GALNT3: variants seen among roughly 807,000 people sequenced by gnomAD.
GALNT3 encodes the protein polypeptide N-acetylgalactosaminyltransferase 3.
A neutral mutation model predicts 69.8 loss-of-function variants in GALNT3; 51 were observed. That is an observed-to-expected ratio of 0.73 (90% CI 0.58 to 0.92). The LOEUF is 0.92. Among genes scored for constraint, GALNT3 ranks in the 40% least tolerant of loss-of-function variants. GALNT3 has a pLI of 0.00. For missense variants in GALNT3, 711 were observed against 760.0 expected, an observed-to-expected ratio of 0.94 and a Z score of 0.76; for synonymous variants, 265 against 248.5, an observed-to-expected ratio of 1.07 and a Z score of -0.63.
At chr2:165,763,765 C>T (rs913259012) in intron 3 of GALNT3, among the ~76,000 whole-genome samples, 1 of 152,126 alleles carries the variant, frequency 6.6e-6, no homozygotes, top group Non-Finnish European at 1.5e-5. Flanking sequence ...TATATCTGCA[C>T]CCTAAATTTA....
chr2:165,773,110 G>A (rs143381159), intron 1 of GALNT3, among the ~76,000 whole-genome samples: 21 of 152,236 alleles, frequency 1.4e-4, no homozygotes, highest in Non-Finnish European at 2.6e-4. Context: ...GGGAAGAATG[G>A]GAGATGAATG....
intron 1 of GALNT3, among the ~76,000 whole-genome samples, chr2:165,772,106 A>T (rs1688763386): frequency 6.6e-6 from 1 of 152,208 alleles, no homozygotes; most frequent in Non-Finnish European, 1.5e-5. Context: ...TAAGCTTTTG[A>T]AAAGAATATA....
At chr2:165,762,990 G>A (rs1314986015) in intron 3 of GALNT3, among the ~76,000 whole-genome samples, 5 of 149,972 alleles carry the variant, frequency 3.3e-5, no homozygotes, top group South Asian at 2.1e-4. Context: ...TTTTAGAGAC[G>A]GGGTTTCATC....
chr2:165,779,117 G>T (rs1054330874), intron 1 of GALNT3, among the ~76,000 whole-genome samples: 1 of 152,160 alleles, frequency 6.6e-6, no homozygotes, highest in African/African-American at 2.4e-5. Flanking sequence ...CCTAGTACTG[G>T]AGAAAATCAT....
At chr2:165,772,553 C>G (rs1279505198) in intron 1 of GALNT3, among the ~76,000 whole-genome samples, 1 of 133,372 alleles carries the variant, frequency 7.5e-6, no homozygotes, top group East Asian at 2.2e-4. Flanking sequence ...CCACTGCACT[C>G]CAGCCTGGGT....
chr2:165,792,360 A>G (rs1411329446), intron 1 of GALNT3, among the ~76,000 whole-genome samples: 1 of 152,240 alleles, frequency 6.6e-6, no homozygotes, highest in Non-Finnish European at 1.5e-5. Context: ...ATGAAGACTA[A>G]TATTCAAAAT....
chr2:165,763,400 A>G (rs904406967), intron 3 of GALNT3, among the ~76,000 whole-genome samples: 1 of 152,160 alleles, frequency 6.6e-6, no homozygotes, highest in African/African-American at 2.4e-5. Flanking sequence ...ATAAGAGAGG[A>G]AAGTGCAGGA....
chr2:165,757,103 C>T lies in GALNT3; in HGVS notation c.1336G>A (p.Glu446Lys). Residue 446 changes from glutamate to lysine, a missense_variant, in exon 7 of 11, where the codon GAA becomes AAA. Coordinates refer to ENST00000392701, the MANE Select transcript of GALNT3 (RefSeq NM_004482.4). ...CTCCTATAAAATATTTCCTTGTATT[C>T]ATCCATCCAGACTTCTGCAAGGCGA... ...QVRLAEVWMD[E>K]YKEIFYRRNT... The T allele has an allele frequency of 6.2e-7, 1 of 1,614,036 alleles. No individual in the cohort carries two copies. The highest frequency in any genetic ancestry group is 8.5e-7 in the Non-Finnish European group (1 of 1,179,950).
Position 165,770,494 on chromosome 2 carries a change from A to G in GALNT3, c.207T>C (p.Ala69=). Residue 69 remains alanine (A), a synonymous_variant, in exon 2 of 11, where the codon GCT becomes GCC. Coordinates refer to ENST00000392701, the MANE Select transcript of GALNT3 (RefSeq NM_004482.4). The part of the protein sequence containing the change: ...KNKMLDLMLE[A]VNNIKDAMPK... ...GCATGGCATCCTTAATATTGTTTAC[A>G]GCTTCTAGCATTAAATCCAACATCT... 1 of 1,614,220 alleles carries G rather than the reference A, an allele frequency of 6.2e-7. No homozygotes were observed. The highest frequency in any genetic ancestry group is 1.7e-5 in the Admixed American group (1 of 60,016).
chr2:165,788,618 A>T (rs1202268435), intron 1 of GALNT3, among the ~76,000 whole-genome samples: 2 of 151,942 alleles, frequency 1.3e-5, no homozygotes, highest in Non-Finnish European at 2.9e-5. Flanking sequence ...GGGTGAGGGG[A>T]CACAGTTTCC....
intron 2 of GALNT3, among the ~76,000 whole-genome samples, chr2:165,769,438 AAT>A (rs1437992995): frequency 6.0e-5 from 7 of 116,900 alleles, no homozygotes; most frequent in African/African-American, 1.3e-4. Context: ...TAATAATAAT[AAT>A]AAATAAATAA....
At chr2:165,773,245 A>G (rs959641599) in intron 1 of GALNT3, among the ~76,000 whole-genome samples, 1 of 152,172 alleles carries the variant, frequency 6.6e-6, no homozygotes, top group Non-Finnish European at 1.5e-5. Context: ...ACTATTTTTC[A>G]TGGTCATGGA....
At chr2:165,759,120 G>C (rs765155590) in intron 5 of GALNT3, among the ~76,000 whole-genome samples, 4 of 152,120 alleles carry the variant, frequency 2.6e-5, no homozygotes, top group African/African-American at 7.2e-5. Context: ...AATGATTGAT[G>C]AGGAAGACAT....
intron 9 of GALNT3, 115 bp from the exon 10 acceptor site, chr2:165,750,009 A>T: frequency 1.1e-6 from 1 of 939,164 alleles, no homozygotes; most frequent in Non-Finnish European, 1.7e-6. Context: ...TCAACAAAAT[A>T]ATACAATAAA....
Position 165,774,411 on chromosome 2 carries a change from G to A in GALNT3, c.-108-3603C>T, listed in dbSNP as rs141710725. Among the ~76,000 whole-genome samples the A allele has an allele frequency of 1.8e-4, 28 of 152,314 alleles. No individual in the cohort carries two copies. In the East Asian group the frequency reaches 4.4e-3, roughly 24 times the overall value. On this transcript the variant is annotated intron_variant, in intron 1 of 10. Coordinates refer to ENST00000392701, the MANE Select transcript of GALNT3 (RefSeq NM_004482.4). ...ACTAGATTCTTCTACAGTAGTGATA[G>A]TTTTCCCAAAACATTTTATGTCAGA...
rs140333197 is a variant in GALNT3, at chr2:165,748,461, C to CTA, written c.*318_*319dup. On this transcript the variant is annotated 3_prime_UTR_variant, in exon 11 of 11. Transcript: ENST00000392701. The stretch of plus-strand genomic sequence containing the variant: ...TTAAATTGTGAGTGTGTGAATGTAG[C>CTA]TATATATATATATCCCTAAGTGTAC... The CTA allele has an allele frequency of 4.5e-4, 155 of 343,188 alleles. No homozygotes were observed. Among genetic ancestry groups the CTA allele is most frequent in the Middle Eastern group, 2.6e-3 (3 of 1,158 alleles). The allele number at this position is 343,188 out of a possible 1,614,324, so 21.3% of individuals were successfully genotyped here.
intron 9 of GALNT3, among the ~76,000 whole-genome samples, chr2:165,750,989 A>C (rs372601899): frequency 8.5e-5 from 13 of 152,094 alleles, no homozygotes; most frequent in African/African-American, 2.4e-4. Context: ...ACAAAATTAC[A>C]ATCTTTTCAA....
intron 1 of GALNT3, among the ~76,000 whole-genome samples, chr2:165,772,157 T>A (rs1257642680): frequency 6.6e-6 from 1 of 152,136 alleles, no homozygotes; most frequent in Non-Finnish European, 1.5e-5. Flanking sequence ...TGTAATTAAT[T>A]ATGTGTCAAA....
chr2:165,791,983 C>T (rs1267900421), intron 1 of GALNT3, among the ~76,000 whole-genome samples: 1 of 152,164 alleles, frequency 6.6e-6, no homozygotes, highest in Non-Finnish European at 1.5e-5. Context: ...AAAAGATAAA[C>T]ATCTTATGGT....
Sources: allele counts gnomAD v4.1 joint callset (sites outside exome capture counted in the v4.1 genomes callset), GRCh38; gene constraint gnomAD v4.1.1; transcripts MANE v1.5; gene names NCBI Gene and HGNC (gene_info 2026-07-23, HGNC 2026-07-21).